The following MAGI2 variants were observed in gnomAD, a reference collection of about 807,000 sequenced individuals.
The protein encoded by MAGI2 is membrane associated guanylate kinase, WW and PDZ domain containing 2.
MAGI2 carries 35 observed loss-of-function variants against 133.3 expected under a neutral mutation model. The ratio of observed to expected loss-of-function variants is 0.26; its 90% CI spans 0.20 to 0.35. MAGI2 has a LOEUF of 0.35. Ranked by LOEUF, MAGI2 falls within the 10% of genes least tolerant of loss-of-function variation. The probability of loss-of-function intolerance (pLI) is 1.00; values close to 1 mark genes in which losing one functional copy is unlikely to be tolerated. For missense variants in MAGI2, 1,636 were observed against 1,863.4 expected, an observed-to-expected ratio of 0.88 and a Z score of 2.25; for synonymous variants, 729 against 710.6, an observed-to-expected ratio of 1.03 and a Z score of -0.41.
At chr7:78,883,235 G>T (rs115265334) in intron 2 of MAGI2, among the ~76,000 whole-genome samples, 1 of 151,822 alleles carries the variant, frequency 6.6e-6, no homozygotes, top group Non-Finnish European at 1.5e-5. Flanking sequence ...AAATCAAGAC[G>T]CAATCCCATT....
At chr7:78,423,886 C>A (rs1039594769) in intron 6 of MAGI2, among the ~76,000 whole-genome samples, 7 of 152,110 alleles carry the variant, frequency 4.6e-5, no homozygotes, top group African/African-American at 1.7e-4. Context: ...TAAAAACATT[C>A]AGTTTTATAA....
intron 1 of MAGI2, among the ~76,000 whole-genome samples, chr7:79,223,242 T>C (rs12534590): frequency 0.57 from 86,428 of 151,878 alleles, 26,380 homozygotes; most frequent in Non-Finnish European, 0.68. Flanking sequence ...ACAGTTCTCA[T>C]TTATGTTGTT....
rs576684569 is a variant in MAGI2, at chr7:78,282,963, T to C, written c.1409-26382A>G. Among the ~76,000 whole-genome samples the C allele has an allele frequency of 2.0e-5, 3 of 152,200 alleles. 1 individual carries two copies. Among genetic ancestry groups the C allele is most frequent in the Admixed American group, 1.3e-4 (2 of 15,252 alleles). On this transcript the variant is annotated intron_variant, in intron 9 of 21. Transcript: ENST00000354212. ...AAAGTAAATATCTATGGAAATAATA[T>C]AGAAGTTTAGGCTGAACTCAAGAAA...
intron 1 of MAGI2, among the ~76,000 whole-genome samples, chr7:79,257,178 A>G: frequency 6.6e-6 from 1 of 152,112 alleles, no homozygotes; most frequent in East Asian, 1.9e-4. Flanking sequence ...AATAATAATA[A>G]TAGTCCCTTG....
In MAGI2 at chr7:79,418,830, T is replaced by TACAC. The variant is rs57172659; in HGVS notation, c.301+34186_301+34189dup. Among the ~76,000 whole-genome samples the TACAC allele has an allele frequency of 3.9e-3, 531 of 137,912 alleles. 1 individual carries two copies. Among genetic ancestry groups the TACAC allele is most frequent in the African/African-American group, 7.9e-3 (310 of 39,488 alleles). 90.5% of individuals were successfully genotyped at this position (137,912 alleles called of 152,430 possible). ...AAAAAAAAGCAAGTTCCAATACACA[T>TACAC]ACACACACACACACACACACACACA... On this transcript the variant is annotated intron_variant, in intron 1 of 21. Transcript: ENST00000354212.
intron 2 of MAGI2, among the ~76,000 whole-genome samples, chr7:78,966,206 A>G (rs1803290085): frequency 6.6e-6 from 1 of 152,116 alleles, no homozygotes; most frequent in Non-Finnish European, 1.5e-5. Context: ...CATGAGATCT[A>G]TCCTCTTAAT....
At chr7:78,154,055 T>G (rs1379336369) in intron 16 of MAGI2, among the ~76,000 whole-genome samples, 1 of 152,188 alleles carries the variant, frequency 6.6e-6, no homozygotes, top group Non-Finnish European at 1.5e-5. Context: ...TGAGTTTTGG[T>G]GGGGGAAATC....
chr7:78,619,737 G>A lies in MAGI2; in HGVS notation c.538+7383C>T, dbSNP rs947942226. On this transcript the variant is annotated intron_variant, in intron 3 of 21. Coordinates refer to ENST00000354212, the MANE Select transcript of MAGI2 (RefSeq NM_012301.4). ...TGGACCAACATAGCATGCAAAAACC[G>A]TACACTATCTGTTGATAACTCTGAA... is the stretch of plus-strand genomic sequence containing the variant. Among the ~76,000 whole-genome samples the A allele has an allele frequency of 3.3e-5, 5 of 151,890 alleles. No individual in the cohort carries two copies. In the East Asian group the frequency reaches 7.7e-4, roughly 24 times the overall value.
intron 2 of MAGI2, among the ~76,000 whole-genome samples, chr7:78,752,241 T>C (rs1823520628): frequency 6.6e-6 from 1 of 152,192 alleles, no homozygotes; most frequent in South Asian, 2.1e-4. Context: ...TCTTGTGGAT[T>C]GGATAATGTT....
Position 78,019,545 on chromosome 7 carries a change from G to A in MAGI2, c.4138C>T (p.Arg1380Cys), listed in dbSNP as rs1808094617. ...GCCGGCGCAGCCCCCGGGCCTTCGC[G>A]CCGGCAGAGCTCGGAGCCCGCCGCC... ...RAAAGSELCRREGPGAAPAFA... is the reference protein window; with the variant it reads ...RAAAGSELCRCEGPGAAPAFA... The change falls in exon 22 of 22, where the codon CGC becomes TGC. Residue 1380 changes from arginine (R) to cysteine (C), a missense_variant. Transcript: ENST00000354212. The A allele has an allele frequency of 2.0e-6, 2 of 980,384 alleles. No homozygotes were observed. The highest frequency in any genetic ancestry group is 1.2e-6 in the Non-Finnish European group (1 of 828,096). 60.7% of individuals were successfully genotyped at this position (980,384 alleles called of 1,614,324 possible). A position where few individuals can be genotyped will look rare whatever the true frequency, so the allele number is the denominator to read the frequency against.
chr7:78,035,939 T>C (rs1810172925), intron 21 of MAGI2, among the ~76,000 whole-genome samples: 1 of 152,184 alleles, frequency 6.6e-6, no homozygotes, highest in African/African-American at 2.4e-5. Flanking sequence ...TGTGTTAAAT[T>C]TAATTTTACT....
intron 6 of MAGI2, among the ~76,000 whole-genome samples, chr7:78,437,106 A>G (rs190430090): frequency 8.5e-4 from 129 of 152,258 alleles, no homozygotes; most frequent in Admixed American, 4.3e-3. Context: ...AATGGAAATC[A>G]TACTTCTGGC....
chr7:78,882,080 C>CAAA (rs1563618797), intron 2 of MAGI2, among the ~76,000 whole-genome samples: 29 of 14,964 alleles, frequency 1.9e-3, no homozygotes, highest in Non-Finnish European at 2.7e-3. Flanking sequence ...ACAACAACAA[C>CAAA]AACAACAAAA....
intron 1 of MAGI2, among the ~76,000 whole-genome samples, chr7:79,136,099 AAGAAAG>A (rs1299701678): frequency 8.4e-4 from 125 of 149,420 alleles, no homozygotes; most frequent in Non-Finnish European, 1.6e-3. Context: ...GAAAGAAAGA[AAGAAAG>A]AAAGAAAGAA....
intron 1 of MAGI2, among the ~76,000 whole-genome samples, chr7:79,308,535 C>A (rs190548495): frequency 6.6e-6 from 1 of 152,282 alleles, no homozygotes; most frequent in East Asian, 1.9e-4. Context: ...TCAACTCCCT[C>A]TTCAACTGGC....
intron 6 of MAGI2, among the ~76,000 whole-genome samples, chr7:78,476,858 G>A (rs1791806928): frequency 1.4e-5 from 2 of 144,328 alleles, no homozygotes; most frequent in Non-Finnish European, 1.5e-5. Flanking sequence ...TGTATCATAA[G>A]TGCTCATTTT....
chr7:78,236,191 T>C (rs940808700), intron 10 of MAGI2, among the ~76,000 whole-genome samples: 1 of 152,108 alleles, frequency 6.6e-6, no homozygotes, highest in Admixed American at 6.6e-5. Context: ...GATGTTCCCA[T>C]ATTTATAACA....
chr7:79,130,007 G>A (rs1014660786), intron 1 of MAGI2, among the ~76,000 whole-genome samples: 1 of 151,956 alleles, frequency 6.6e-6, no homozygotes, highest in Admixed American at 6.6e-5. Context: ...GTTCTGTTAG[G>A]TTATGAAAAT....
chr7:78,286,893 G>A (rs1318581753), intron 9 of MAGI2, among the ~76,000 whole-genome samples: 1 of 152,070 alleles, frequency 6.6e-6, no homozygotes, highest in East Asian at 1.9e-4. Context: ...CAGAGCTTGT[G>A]GATTTATACC....
Sources: allele counts gnomAD v4.1 joint callset (sites outside exome capture counted in the v4.1 genomes callset), GRCh38; gene constraint gnomAD v4.1.1; transcripts MANE v1.5; gene names NCBI Gene and HGNC (gene_info 2026-07-23, HGNC 2026-07-21).